DMD: variants seen among roughly 807,000 people sequenced by gnomAD.
DMD encodes mutant dystrophin.
In DMD, 63 loss-of-function variants were observed where a neutral mutation model predicts 330.1. That is an observed-to-expected ratio of 0.19 (90% CI 0.16 to 0.24). The LOEUF is 0.24. Ranked by LOEUF, DMD falls within the 10% of genes least tolerant of loss-of-function variation. DMD has a pLI of 1.00. For missense variants in DMD, 3,344 were observed against 2,684.1 expected (o/e 1.25, Z -5.43); for synonymous variants, 1,223 against 959.8 (o/e 1.27, Z -5.07).
chrX:31,330,263 A>G (rs891593463), intron 61 of DMD, among the ~76,000 whole-genome samples: 2 of 110,948 alleles, frequency 1.8e-5, no homozygotes, highest in African/African-American at 6.5e-5. Flanking sequence ...AAGGGAATGT[A>G]CCCTGGCAAA....
At chrX:32,951,488 C>T (rs945379373) in intron 2 of DMD, among the ~76,000 whole-genome samples, 99 of 111,553 alleles carry the variant, frequency 8.9e-4, no homozygotes, top group African/African-American at 2.9e-3. Context: ...AAAGAAAACC[C>T]CAGGAATTCT....
chrX:32,213,004 C>T, intron 44 of DMD, among the ~76,000 whole-genome samples: 1 of 111,876 alleles, frequency 8.9e-6, no homozygotes, highest in East Asian at 2.8e-4. Flanking sequence ...ACTAAATTCT[C>T]TTCTTTAAAG....
chrX:33,114,953 G>C (rs2095370108), intron 1 of DMD, among the ~76,000 whole-genome samples: 1 of 111,720 alleles, frequency 9.0e-6, no homozygotes. Flanking sequence ...TCTATCTCAA[G>C]AGCAAACACT....
chrX:31,659,111 A>C (rs1881347676), intron 53 of DMD, among the ~76,000 whole-genome samples: 1 of 111,898 alleles, frequency 8.9e-6, no homozygotes, highest in Admixed American at 9.5e-5. Context: ...ACACCAATTA[A>C]ATTAACAAAA....
At chrX:32,516,320 T>A in intron 18 of DMD, among the ~76,000 whole-genome samples, 1 of 111,783 alleles carries the variant, frequency 8.9e-6, no homozygotes, top group Non-Finnish European at 1.9e-5. Flanking sequence ...CCCATTTTAG[T>A]AGGCAATTAA....
chrX:31,470,999 C>T (rs1603184329), intron 59 of DMD, among the ~76,000 whole-genome samples: 1 of 111,802 alleles, frequency 8.9e-6, no homozygotes, highest in Non-Finnish European at 1.9e-5. Context: ...TGCCCCTCCC[C>T]ACACTAAGCT....
Position 32,844,828 on chromosome X carries a change from G to A in DMD, c.219C>T (p.Ala73=). Residue 73 remains alanine (A), a synonymous_variant, in exon 4 of 79, where the codon GCC becomes GCT. Coordinates refer to ENST00000357033, the MANE Select transcript of DMD (RefSeq NM_004006.3). The stretch of plus-strand genomic sequence containing the variant: ...GCAGTGCCTTGTTGACATTGTTCAG[G>A]GCATGAACTCTTGTGGATCCTTTTT... The part of the protein sequence containing the change: ...PKEKGSTRVH[A]LNNVNKALRV... 2 of 1,211,128 alleles carry A rather than the reference G, an allele frequency of 1.7e-6. No homozygotes were observed. The highest frequency in any genetic ancestry group is 5.9e-5 in the East Asian group (2 of 33,830).
chrX:32,548,579 A>T (rs1034347695), intron 16 of DMD, among the ~76,000 whole-genome samples: 1 of 111,878 alleles, frequency 8.9e-6, no homozygotes, highest in Non-Finnish European at 1.9e-5. Flanking sequence ...TTTGCTTTAC[A>T]CTATTGAGTA....
chrX:31,237,296 C>G (rs1422316401), intron 63 of DMD, among the ~76,000 whole-genome samples: 1 of 112,056 alleles, frequency 8.9e-6, no homozygotes, highest in Non-Finnish European at 1.9e-5. Context: ...GATATTTAAG[C>G]ATCTAGGATC....
intron 7 of DMD, chrX:32,756,541 G>A (rs1442066727): frequency 9.0e-6 from 1 of 111,270 alleles, no homozygotes; most frequent in Non-Finnish European, 1.9e-5. Flanking sequence ...AATATTATAT[G>A]TCTTACGCAT....
At chrX:32,973,843 C>T (rs2092462413) in intron 2 of DMD, among the ~76,000 whole-genome samples, 1 of 111,461 alleles carries the variant, frequency 9.0e-6, no homozygotes, top group Non-Finnish European at 1.9e-5. Context: ...CAACTGAAAA[C>T]ATGCACACCC....
At chrX:32,859,478 C>T (rs1323150025) in intron 2 of DMD, among the ~76,000 whole-genome samples, 2 of 73,454 alleles carry the variant, frequency 2.7e-5, no homozygotes, top group Non-Finnish European at 5.0e-5. Flanking sequence ...CACACACACA[C>T]ACACACACAC....
intron 53 of DMD, among the ~76,000 whole-genome samples, chrX:31,666,965 A>C (rs1301946100): frequency 2.7e-5 from 3 of 112,469 alleles, no homozygotes; most frequent in Non-Finnish European, 5.6e-5. Flanking sequence ...TGACATGCAG[A>C]TATACTTTTT....
intron 18 of DMD, among the ~76,000 whole-genome samples, chrX:32,511,441 G>T (rs2045304473): frequency 1.0e-5 from 1 of 100,287 alleles, no homozygotes; most frequent in African/African-American, 3.7e-5. Flanking sequence ...AGAATCGCTT[G>T]AACCCGGGAG....
chrX:32,980,368 CAAAAAAAAA>C (rs755016078), intron 2 of DMD, among the ~76,000 whole-genome samples: 4 of 42,632 alleles, frequency 9.4e-5, no homozygotes, highest in South Asian at 2.0e-3. Context: ...GACTCTGTCT[CAAAAAAAAA>C]AAAAAAAAAA....
chrX:31,182,965 G>A, intron 67 of DMD, 61 bp from the exon 68 acceptor site: 1 of 973,043 alleles, frequency 1.0e-6, no homozygotes, highest in Non-Finnish European at 1.4e-6. Flanking sequence ...AAGGCAAGAT[G>A]GCAAAGGAGG....
intron 7 of DMD, among the ~76,000 whole-genome samples, chrX:32,706,260 C>A (rs1374823146): frequency 3.0e-5 from 3 of 99,141 alleles, no homozygotes; most frequent in Non-Finnish European, 6.1e-5. Context: ...GGAGGGATAG[C>A]ATTAGGAGAT....
At chrX:33,008,837 T>C (rs372190070) in intron 2 of DMD, among the ~76,000 whole-genome samples, 3 of 96,357 alleles carry the variant, frequency 3.1e-5, no homozygotes, top group Admixed American at 1.1e-4. Context: ...CGTATATATA[T>C]ACACATATAT....
intron 21 of DMD, among the ~76,000 whole-genome samples, chrX:32,479,105 T>C (rs1375627346): frequency 1.8e-5 from 2 of 111,313 alleles, no homozygotes; most frequent in African/African-American, 6.5e-5. Flanking sequence ...AGCAGCTCTA[T>C]CCACTTAGCA....
Sources: allele counts gnomAD v4.1 joint callset (sites outside exome capture counted in the v4.1 genomes callset), GRCh38; gene constraint gnomAD v4.1.1; transcripts MANE v1.5; gene names NCBI Gene and HGNC (gene_info 2026-07-23, HGNC 2026-07-21).